Variants in HSF2BP observed in about 807,000 individuals in gnomAD.
HSF2BP encodes heat shock factor 2-binding protein.
Under a neutral mutation model 35.0 loss-of-function variants are expected in HSF2BP, and 35 were observed. The ratio of observed to expected loss-of-function variants is 1.00; its 90% CI spans 0.76 to 1.32. The LOEUF (loss-of-function observed/expected upper bound fraction) is 1.32. HSF2BP is among the 40% of genes most tolerant of loss of function. The probability of loss-of-function intolerance (pLI) is 0.00; values close to 1 mark genes in which losing one functional copy is unlikely to be tolerated. For synonymous variants in HSF2BP, 114 were observed against 117.4 expected (o/e 0.97, Z 0.18); for missense variants, 326 against 321.7 (o/e 1.01, Z -0.10).
At chr21:43,616,930 C>CAAA (rs57442334) in intron 6 of HSF2BP, among the ~76,000 whole-genome samples, 1 of 144,328 alleles carries the variant, frequency 6.9e-6, no homozygotes. Context: ...GACTCCATCT[C>CAAA]AAAAAAAAAA....
At chr21:43,595,679 T>C (rs1601637320) in intron 7 of HSF2BP, among the ~76,000 whole-genome samples, 1 of 134,942 alleles carries the variant, frequency 7.4e-6, no homozygotes, top group Non-Finnish European at 1.6e-5. Flanking sequence ...CTAAAAATAA[T>C]AATAATGTTA....
chr21:43,640,689 G>T (rs2082624322), intron 4 of HSF2BP, among the ~76,000 whole-genome samples: 1 of 152,052 alleles, frequency 6.6e-6, no homozygotes, highest in Non-Finnish European at 1.5e-5. Context: ...GGGAAAACCG[G>T]GTGAAGGGTA....
intron 7 of HSF2BP, among the ~76,000 whole-genome samples, chr21:43,609,002 C>G (rs985417955): frequency 6.6e-6 from 1 of 152,156 alleles, no homozygotes; most frequent in East Asian, 1.9e-4. Flanking sequence ...ACAAAAATAG[C>G]AAAGACATAG....
At position 43,610,282 on chromosome 21, in the gene HSF2BP, A is replaced by G. The variant is rs111413479; in HGVS notation, c.692+3548T>C. ...AGAAGGACAAAGACAGACAGATGAT[A>G]GGTGGATGATAAAAATACTCTTTAA... On this transcript the variant is annotated intron_variant, in intron 7 of 8. Coordinates refer to ENST00000291560, the MANE Select transcript of HSF2BP (RefSeq NM_007031.2). 7.3e-3 allele frequency among the ~76,000 whole-genome samples: 1,108 copies of G among 152,194 alleles called. 12 individuals carry two copies. Among genetic ancestry groups the G allele is most frequent in the Non-Finnish European group, 0.011 (723 of 67,998 alleles).
chr21:43,592,110 G>A (rs1381479988), intron 8 of HSF2BP, 115 bp downstream of exon 8: 2 of 663,546 alleles, frequency 3.0e-6, no homozygotes, highest in Non-Finnish European at 5.5e-6. Flanking sequence ...AGAGGATTTG[G>A]TGCTATCTCT....
chr21:43,496,100 T>A, the HSF2BP span, among the ~76,000 whole-genome samples: 5 of 134,674 alleles, frequency 3.7e-5, 2 homozygotes, highest in South Asian at 1.2e-3. Context: ...CACAAAGGCA[T>A]CCAAATTGGA....
At chr21:43,595,412 A>G (rs1375895542) in intron 7 of HSF2BP, among the ~76,000 whole-genome samples, 2 of 151,978 alleles carry the variant, frequency 1.3e-5, no homozygotes, top group African/African-American at 4.8e-5. Context: ...TCATCACAAC[A>G]CTTTCAGAGG....
At position 43,630,329 on chromosome 21, in the gene HSF2BP, A is replaced by G; in HGVS notation, c.567T>C (p.Ile189=). The G allele has an allele frequency of 6.2e-7, 1 of 1,611,748 alleles. No individual in the cohort carries two copies. The highest frequency in any genetic ancestry group is 8.5e-7 in the Non-Finnish European group (1 of 1,179,218). The change falls in exon 6 of 9, where the codon ATT becomes ATC. Residue 189 remains isoleucine (I), a synonymous_variant. Coordinates refer to ENST00000291560, the MANE Select transcript of HSF2BP (RefSeq NM_007031.2). The part of the protein sequence containing the change: ...ESQFVFALAG[I]VTNVAAIACG... ...AGGTGCGCCTGCACTTACTCGTGAC[A>G]ATTCCAGCCAGAGCGAAAACAAACT...
intron 7 of HSF2BP, among the ~76,000 whole-genome samples, chr21:43,604,374 ACAC>A (rs1442098522): frequency 7.1e-6 from 1 of 141,564 alleles, no homozygotes. Context: ...CACAGCACGC[ACAC>A]CACACACACA....
Position 43,658,081 on chromosome 21 carries a change from C to T in HSF2BP, c.16G>A (p.Ala6Thr), listed in dbSNP as rs1208662942. ...CTAACCCGGCAGGCCTCCTCAGCGG[C>T]GCCCGCTTCGCCCATGGCCGCTGCC... MGEAGAAEEACRHMGT... is the reference protein window; with the variant it reads MGEAGTAEEACRHMGT... Residue 6 changes from alanine to threonine, a missense_variant, in exon 2 of 9, where the codon GCC (alanine) becomes ACC (threonine). Transcript: ENST00000291560. 1.3e-6 allele frequency: 2 copies of T among 1,534,960 alleles called. No homozygotes were observed. The highest frequency in any genetic ancestry group is 2.0e-5 in the Admixed American group (1 of 50,824).
intron 2 of HSF2BP, among the ~76,000 whole-genome samples, chr21:43,657,286 G>T (rs141845950): frequency 3.3e-5 from 5 of 152,340 alleles, no homozygotes; most frequent in African/African-American, 1.2e-4. Flanking sequence ...CTTGAGCTCA[G>T]GAGTTGGAGG....
chr21:43,625,435 C>T (rs1234340679), intron 6 of HSF2BP, among the ~76,000 whole-genome samples: 4 of 152,064 alleles, frequency 2.6e-5, no homozygotes, highest in African/African-American at 7.2e-5. Context: ...GAGTGGAGAA[C>T]TGGACTACAG....
At chr21:43,640,558 A>G (rs1364611591) in intron 4 of HSF2BP, among the ~76,000 whole-genome samples, 1 of 152,258 alleles carries the variant, frequency 6.6e-6, no homozygotes, top group Non-Finnish European at 1.5e-5. Flanking sequence ...GAGTACATAC[A>G]GAATTGATGA....
chr21:43,639,568 T>C (rs1327858381), intron 4 of HSF2BP, among the ~76,000 whole-genome samples: 1 of 152,184 alleles, frequency 6.6e-6, no homozygotes, highest in Admixed American at 6.5e-5. Context: ...CATTAGCTGT[T>C]AGGGAAATGC....
intron 7 of HSF2BP, among the ~76,000 whole-genome samples, chr21:43,606,736 G>A (rs1383179809): frequency 6.6e-6 from 1 of 152,160 alleles, no homozygotes; most frequent in African/African-American, 2.4e-5. Context: ...CAACAAGCCA[G>A]TACTCAGTGA....
intron 7 of HSF2BP, among the ~76,000 whole-genome samples, chr21:43,612,727 G>A (rs542642492): frequency 1.8e-4 from 28 of 151,974 alleles, no homozygotes; most frequent in African/African-American, 6.8e-4. Context: ...TACTCAGGAG[G>A]CTGAGGTGGA....
intron 3 of HSF2BP, among the ~76,000 whole-genome samples, chr21:43,650,972 T>C (rs1206316173): frequency 6.6e-6 from 1 of 152,120 alleles, no homozygotes; most frequent in East Asian, 1.9e-4. Context: ...CTTCCCAAAG[T>C]GTTGGGATTA....
intron 7 of HSF2BP, among the ~76,000 whole-genome samples, chr21:43,593,843 T>C (rs778534044): frequency 6.6e-6 from 1 of 152,028 alleles, no homozygotes; most frequent in Non-Finnish European, 1.5e-5. Flanking sequence ...TTCTTCCAAA[T>C]AGGGTCCACA....
At chr21:43,445,636 G>GA in the HSF2BP span, among the ~76,000 whole-genome samples, 2 of 115,598 alleles carry the variant, frequency 1.7e-5, no homozygotes, top group African/African-American at 5.3e-5. Context: ...CTCGCACCGA[G>GA]AAAGGGGGGG....
Sources: allele counts gnomAD v4.1 joint callset (sites outside exome capture counted in the v4.1 genomes callset), GRCh38; gene constraint gnomAD v4.1.1; transcripts MANE v1.5; gene names NCBI Gene and HGNC (gene_info 2026-07-23, HGNC 2026-07-21).